The following PEBP4 variants were observed in gnomAD, a reference collection of about 807,000 sequenced individuals.
PEBP4 encodes the protein phosphatidylethanolamine binding protein 4, also known as phosphatidylethanolamine-binding protein 4.
Under a neutral mutation model 23.9 loss-of-function variants are expected in PEBP4, and 22 were observed. The ratio of observed to expected loss-of-function variants is 0.92; its 90% CI spans 0.66 to 1.31. The LOEUF (loss-of-function observed/expected upper bound fraction) is 1.31. Ranked by LOEUF, PEBP4 falls within the 40% of genes most tolerant of loss-of-function variation. The pLI is 0.00. For missense variants in PEBP4, 324 were observed against 281.7 expected (o/e 1.15, Z -1.07); for synonymous variants, 112 against 99.3 (o/e 1.13, Z -0.76).
intron 3 of PEBP4, among the ~76,000 whole-genome samples, chr8:22,911,999 G>C (rs1299095602): frequency 6.6e-6 from 1 of 152,136 alleles, no homozygotes; most frequent in African/African-American, 2.4e-5. Flanking sequence ...CTGAGCTGCC[G>C]GCAAGATCTA....
intron 3 of PEBP4, among the ~76,000 whole-genome samples, chr8:22,818,876 G>A (rs1488494724): frequency 6.6e-6 from 1 of 152,174 alleles, no homozygotes; most frequent in African/African-American, 2.4e-5. Flanking sequence ...ACGGCAGTAA[G>A]GAGGGGGATG....
At chr8:22,731,710 G>A (rs1804740046) in intron 4 of PEBP4, among the ~76,000 whole-genome samples, 1 of 151,898 alleles carries the variant, frequency 6.6e-6, no homozygotes, top group East Asian at 1.9e-4. Flanking sequence ...CCAGGCTGGA[G>A]TGCAGTGGCA....
chr8:22,820,420 A>AG (rs1332048130), intron 3 of PEBP4, among the ~76,000 whole-genome samples: 1 of 152,174 alleles, frequency 6.6e-6, no homozygotes, highest in African/African-American at 2.4e-5. Flanking sequence ...GAAGTGAGAG[A>AG]GGAAAAAGTG....
chr8:22,887,044 AT>A, intron 3 of PEBP4: 1 of 147,554 alleles, frequency 6.8e-6, no homozygotes, highest in African/African-American at 2.5e-5. Context: ...TCTTGTATTT[AT>A]TTTTTTCAAT....
intron 3 of PEBP4, among the ~76,000 whole-genome samples, chr8:22,830,032 C>T (rs1033750534): frequency 6.6e-6 from 1 of 152,154 alleles, no homozygotes; most frequent in Non-Finnish European, 1.5e-5. Flanking sequence ...GCAATACCTT[C>T]TTCCCATGAC....
At chr8:22,755,094 C>T (rs909613530) in intron 4 of PEBP4, among the ~76,000 whole-genome samples, 2 of 152,280 alleles carry the variant, frequency 1.3e-5, no homozygotes, top group East Asian at 1.9e-4. Flanking sequence ...TCCCGGGTTT[C>T]GAAACCACTC....
intron 4 of PEBP4, among the ~76,000 whole-genome samples, chr8:22,794,649 C>T (rs367866334): frequency 1.9e-4 from 29 of 152,204 alleles, no homozygotes; most frequent in Non-Finnish European, 3.5e-4. Flanking sequence ...TAATCCTCAC[C>T]GTATATTGCA....
chr8:22,936,392 C>G (rs1809541452), intron 1 of PEBP4, among the ~76,000 whole-genome samples: 1 of 151,818 alleles, frequency 6.6e-6, no homozygotes, highest in African/African-American at 2.4e-5. Flanking sequence ...TAAAACCTAC[C>G]AAGACTGAAT....
chr8:22,924,688 C>G (rs1238581308), intron 2 of PEBP4: 18 of 985,240 alleles, frequency 1.8e-5, no homozygotes, highest in South Asian at 4.7e-5. Flanking sequence ...GGGGAGCTTG[C>G]AGGGCTGACT....
At chr8:22,788,918 C>T (rs527590447) in intron 4 of PEBP4, among the ~76,000 whole-genome samples, 1 of 152,196 alleles carries the variant, frequency 6.6e-6, no homozygotes, top group East Asian at 1.9e-4. Flanking sequence ...AGAGGATTGG[C>T]TGAGTAAATT....
chr8:22,813,605 A>C (rs966640775), intron 4 of PEBP4, among the ~76,000 whole-genome samples: 3 of 152,240 alleles, frequency 2.0e-5, no homozygotes, highest in Admixed American at 2.0e-4. Flanking sequence ...TATCCTAATG[A>C]GCTTTCAGCA....
At chr8:22,925,876 G>A (rs1045233956) in intron 2 of PEBP4, among the ~76,000 whole-genome samples, 10 of 152,232 alleles carry the variant, frequency 6.6e-5, no homozygotes, top group African/African-American at 1.9e-4. Context: ...TCACTCAGCA[G>A]AGCACCTAGA....
At chr8:22,814,942 T>C (rs1806707338) in intron 4 of PEBP4, 1 of 151,876 alleles carries the variant, frequency 6.6e-6, no homozygotes, top group Non-Finnish European at 1.5e-5. Context: ...AGAGAGGGGA[T>C]AGTGGCTCCT....
intron 4 of PEBP4, among the ~76,000 whole-genome samples, chr8:22,781,047 C>T (rs186175529): frequency 8.5e-4 from 130 of 152,352 alleles, no homozygotes; most frequent in African/African-American, 3.0e-3. Flanking sequence ...GGGTTCAGAT[C>T]TGAAACTCTT....
chr8:22,757,810 G>C (rs1329978703), intron 4 of PEBP4: 1 of 152,232 alleles, frequency 6.6e-6, no homozygotes. Flanking sequence ...CGTATGAGAA[G>C]AGCAGGGTGG....
rs1289721712 is a variant in PEBP4 at position 22,933,495 on chromosome 8, C to T, written c.145-5775G>A. Among the ~76,000 whole-genome samples, 5 of 152,028 alleles carry T rather than the reference C, an allele frequency of 3.3e-5. No individual in the cohort carries two copies. In the East Asian group the frequency reaches 7.7e-4, roughly 23 times the overall value. On this transcript the variant is annotated intron_variant, in intron 1 of 1. Transcript: ENST00000522278. ...AATTTATCAGCAGAAACTTTGAAGC[C>T]CAGGGGGCATTGGGATGATATAAAG...
chr8:22,803,682 AT>A (rs752423313), intron 4 of PEBP4, among the ~76,000 whole-genome samples: 7 of 152,154 alleles, frequency 4.6e-5, no homozygotes, highest in South Asian at 2.1e-4. Flanking sequence ...TAATAAAAAA[AT>A]AAAATAAAAT....
chr8:22,781,821 G>A (rs1469031864), intron 4 of PEBP4, among the ~76,000 whole-genome samples: 2 of 152,218 alleles, frequency 1.3e-5, no homozygotes, highest in African/African-American at 2.4e-5. Flanking sequence ...GGACATGGCA[G>A]CCTGTCCCCC....
intron 3 of PEBP4, among the ~76,000 whole-genome samples, chr8:22,823,547 A>G (rs193087718): frequency 3.9e-5 from 6 of 151,900 alleles, no homozygotes; most frequent in African/African-American, 1.4e-4. Flanking sequence ...ATCTAACTAT[A>G]TATATATATC....
Sources: gnomAD v4.1 joint callset for allele counts (sites outside exome capture counted in the v4.1 genomes callset) on GRCh38, gnomAD v4.1.1 for gene constraint, MANE v1.5 for transcripts, NCBI Gene and HGNC (gene_info 2026-07-23, HGNC 2026-07-21) for gene names.